ADGRB3: variants seen among roughly 807,000 people sequenced by gnomAD.
The protein encoded by ADGRB3 is brain-specific angiogenesis inhibitor 3.
A neutral mutation model predicts 193.4 loss-of-function variants in ADGRB3; 37 were observed. The ratio of observed to expected loss-of-function variants is 0.19; its 90% CI spans 0.15 to 0.25. The LOEUF is 0.25. ADGRB3 is among the 10% of genes least tolerant of loss of function. The pLI is 1.00. For synonymous variants in ADGRB3, 690 were observed against 644.2 expected (o/e 1.07, Z -1.08); for missense variants, 1,637 against 1,852.9 (o/e 0.88, Z 2.14).
chr6:68,957,871 A>G (rs1025591695), intron 8 of ADGRB3, among the ~76,000 whole-genome samples: 1 of 152,142 alleles, frequency 6.6e-6, no homozygotes, highest in South Asian at 2.1e-4. Flanking sequence ...AAGAGTAACA[A>G]TATGTCAGTT....
chr6:69,013,965 A>C (rs1031462986), intron 11 of ADGRB3, 73 bp from the exon 12 acceptor site: 4 of 1,013,240 alleles, frequency 3.9e-6, no homozygotes, highest in Non-Finnish European at 5.8e-6. Flanking sequence ...CACGTAGTCA[A>C]CCCAAATGGG....
At chr6:69,320,181 C>CT in intron 20 of ADGRB3, among the ~76,000 whole-genome samples, 1 of 151,404 alleles carries the variant, frequency 6.6e-6, no homozygotes, top group East Asian at 1.9e-4. Flanking sequence ...GTTTAGAATA[C>CT]TTTTATGTTC....
At chr6:68,708,503 G>A (rs372655529) in intron 3 of ADGRB3, among the ~76,000 whole-genome samples, 3 of 152,172 alleles carry the variant, frequency 2.0e-5, no homozygotes, top group Admixed American at 6.5e-5. Flanking sequence ...ACATTCTCCA[G>A]TGAAATTTCC....
At chr6:68,947,204 A>T (rs1296941416) in intron 6 of ADGRB3, among the ~76,000 whole-genome samples, 3 of 151,980 alleles carry the variant, frequency 2.0e-5, no homozygotes, top group Non-Finnish European at 4.4e-5. Context: ...CTATACTAAT[A>T]ATTAAAATAT....
chr6:68,956,409 G>T (rs1768072625), intron 7 of ADGRB3, among the ~76,000 whole-genome samples: 1 of 151,998 alleles, frequency 6.6e-6, no homozygotes, highest in African/African-American at 2.4e-5. Context: ...TAAAATTCAG[G>T]AGATGAACTA....
At chr6:69,329,846 A>G (rs1031948326) in intron 22 of ADGRB3, among the ~76,000 whole-genome samples, 1 of 152,124 alleles carries the variant, frequency 6.6e-6, no homozygotes, top group African/African-American at 2.4e-5. Context: ...TTCTCCCCAA[A>G]TGGATTATCT....
chr6:69,008,957 C>T (rs1769853573), intron 11 of ADGRB3, among the ~76,000 whole-genome samples: 1 of 152,022 alleles, frequency 6.6e-6, no homozygotes, highest in South Asian at 2.1e-4. Context: ...TTAAAATCAT[C>T]ACTGGAAGAG....
chr6:68,713,341 G>A (rs965403938), intron 3 of ADGRB3, among the ~76,000 whole-genome samples: 7 of 151,720 alleles, frequency 4.6e-5, no homozygotes, highest in Non-Finnish European at 7.4e-5. Context: ...ATATCTGGAC[G>A]ATTCCAACTT....
chr6:69,055,265 A>T (rs747790639), intron 15 of ADGRB3, among the ~76,000 whole-genome samples: 4 of 152,208 alleles, frequency 2.6e-5, no homozygotes, highest in African/African-American at 9.6e-5. Flanking sequence ...AATTAAGACT[A>T]TACACATTAA....
At chr6:69,381,072 T>G (rs946038386) in intron 30 of ADGRB3, among the ~76,000 whole-genome samples, 5 of 151,886 alleles carry the variant, frequency 3.3e-5, no homozygotes, top group Non-Finnish European at 7.4e-5. Flanking sequence ...TTTTCATCAG[T>G]ATCTTAGAAC....
intron 17 of ADGRB3, among the ~76,000 whole-genome samples, chr6:69,165,278 T>C (rs1222693362): frequency 6.6e-6 from 1 of 152,116 alleles, no homozygotes; most frequent in South Asian, 2.1e-4. Context: ...TTATTTATGG[T>C]CAGCTCAATA....
intron 14 of ADGRB3, 140 bp downstream of exon 14, chr6:69,048,474 G>A: frequency 1.1e-5 from 10 of 898,780 alleles, no homozygotes; most frequent in South Asian, 6.4e-5. Context: ...TTCTAAATAT[G>A]GACAACTTAT....
chr6:68,799,067 C>G (rs896292909), intron 3 of ADGRB3, among the ~76,000 whole-genome samples: 9 of 151,930 alleles, frequency 5.9e-5, no homozygotes, highest in African/African-American at 2.2e-4. Flanking sequence ...TAATAGAAAA[C>G]ATAAATACCT....
chr6:68,827,239 T>A (rs780004404), intron 3 of ADGRB3, among the ~76,000 whole-genome samples: 1 of 151,814 alleles, frequency 6.6e-6, no homozygotes, highest in Non-Finnish European at 1.5e-5. Context: ...GTTATGAAAA[T>A]TATGGAGTGA....
At chr6:69,227,625 T>C (rs1766047163) in intron 17 of ADGRB3, among the ~76,000 whole-genome samples, 4 of 152,216 alleles carry the variant, frequency 2.6e-5, no homozygotes, top group Admixed American at 6.5e-5. Context: ...TGTATAGTCA[T>C]CTGTCAGCTT....
chr6:68,962,613 T>G (rs1312434049), intron 8 of ADGRB3, among the ~76,000 whole-genome samples: 1 of 152,198 alleles, frequency 6.6e-6, no homozygotes, highest in Non-Finnish European at 1.5e-5. Context: ...AAGAAAAATT[T>G]AAGCACCACC....
In ADGRB3 at chr6:69,206,045, G is replaced by GTGTA. The variant is rs1327162820; in HGVS notation, c.2481-27244_2481-27243insGTAT. Among the ~76,000 whole-genome samples the GTGTA allele has an allele frequency of 9.4e-3, 938 of 99,900 alleles. 10 individuals carry two copies. Among genetic ancestry groups the GTGTA allele is most frequent in the Middle Eastern group, 0.034 (6 of 174 alleles). 65.5% of individuals were successfully genotyped at this position (99,900 alleles called of 152,430 possible). ...AGAGAGAATAATATATATAATAATG[G>GTGTA]TATATATATATATATATATATATAT... On this transcript the variant is annotated intron_variant, in intron 17 of 31. Coordinates refer to ENST00000370598, the MANE Select transcript of ADGRB3 (RefSeq NM_001704.3).
At chr6:69,347,362 T>A (rs1266820468) in intron 26 of ADGRB3, among the ~76,000 whole-genome samples, 1 of 151,990 alleles carries the variant, frequency 6.6e-6, no homozygotes, top group Non-Finnish European at 1.5e-5. Context: ...ATAATAATAA[T>A]AAATAAAAGA....
intron 27 of ADGRB3, 151 bp from the exon 28 acceptor site, chr6:69,355,670 C>A: frequency 1.6e-6 from 1 of 638,808 alleles, no homozygotes; most frequent in Non-Finnish European, 2.8e-6. Context: ...TGAAAACAAT[C>A]TAATTATACA....
Sources: gnomAD v4.1 joint callset for allele counts (sites outside exome capture counted in the v4.1 genomes callset) on GRCh38, gnomAD v4.1.1 for gene constraint, MANE v1.5 for transcripts, NCBI Gene and HGNC (gene_info 2026-07-23, HGNC 2026-07-21) for gene names.